The following SNTB2 variants were observed in gnomAD, a reference collection of about 807,000 sequenced individuals.
SNTB2 encodes beta-2-syntrophin.
A neutral mutation model predicts 46.2 loss-of-function variants in SNTB2; 34 were observed. The ratio of observed to expected loss-of-function variants is 0.74; its 90% confidence interval spans 0.56 to 0.98. The LOEUF is 0.98. Ranked by LOEUF, SNTB2 falls within the 50% of genes least tolerant of loss-of-function variation. SNTB2 has a pLI of 0.00. For missense variants in SNTB2, 603 were observed against 731.4 expected, an observed-to-expected ratio of 0.82 and a Z score of 2.02; for synonymous variants, 290 against 312.6, an observed-to-expected ratio of 0.93 and a Z score of 0.76.
At chr16:69,270,923 A>G (rs568601631) in intron 4 of SNTB2, among the ~76,000 whole-genome samples, 1 of 152,198 alleles carries the variant, frequency 6.6e-6, no homozygotes, top group African/African-American at 2.4e-5. Context: ...TGGACTTAAC[A>G]AAAGAATCAG....
chr16:69,199,306 G>A (rs1376835252), intron 1 of SNTB2, among the ~76,000 whole-genome samples: 1 of 152,168 alleles, frequency 6.6e-6, no homozygotes, highest in Non-Finnish European at 1.5e-5. Flanking sequence ...TTCATTTGTT[G>A]TGCTAAAGAT....
Position 69,307,887 on chromosome 16 carries a change from G to A in SNTB2, c.*6963G>A, listed in dbSNP as rs1965327740. The A allele has an allele frequency of 6.6e-6, 1 of 151,982 alleles. No individual in the cohort carries two copies. Among genetic ancestry groups the A allele is most frequent in the Non-Finnish European group, 1.5e-5 (1 of 68,008 alleles). 9.4% of individuals were successfully genotyped at this position (151,982 alleles called of 1,614,324 possible). Reference sequence around the variant, plus strand: ...CTGGCATTTGGACTCAATGAAAAGGGCACCTAAAGAAAATAAGGCTGACTG... The same window carrying A: ...CTGGCATTTGGACTCAATGAAAAGGACACCTAAAGAAAATAAGGCTGACTG... On this transcript the variant is annotated 3_prime_UTR_variant, in exon 7 of 7. Transcript: ENST00000336278.
intron 1 of SNTB2, among the ~76,000 whole-genome samples, chr16:69,231,309 G>A (rs1387738369): frequency 1.3e-5 from 2 of 152,014 alleles, no homozygotes; most frequent in African/African-American, 4.8e-5. Context: ...GATGTGGCCC[G>A]CGGACGAGGT....
rs1287587812 is a variant in SNTB2 at position 69,292,431 on chromosome 16, T to TA, written c.1346-7158dup. 4.4e-3 allele frequency among the ~76,000 whole-genome samples: 55 copies of TA among 12,366 alleles called. 7 individuals are homozygous for TA. The highest frequency in any genetic ancestry group is 0.022 in the African/African-American group (49 of 2,248). The allele number at this position is 12,366 out of a possible 152,430, so 8.1% of individuals were successfully genotyped here. A position where few individuals can be genotyped will look rare whatever the true frequency, so the allele number is the denominator to read the frequency against. ...ATTATATATATATTATATATATATA[T>TA]ATATTATATATATATAATTTTTTTT... On this transcript the variant is annotated intron_variant, in intron 5 of 6. Transcript: ENST00000336278.
Position 69,220,963 on chromosome 16 carries a change from A to T in SNTB2, c.581-24639A>T, listed in dbSNP as rs530984733. Among the ~76,000 whole-genome samples, 357 of 152,320 alleles carry T rather than the reference A, an allele frequency of 2.3e-3. 2 individuals are homozygous for T. The highest frequency in any genetic ancestry group is 8.3e-3 in the African/African-American group (347 of 41,580). ...TTAGTCCTTTTCTCCAACAAGAGCC[A>T]GTCTCTAGCAACCACTACTTTGTTT... On this transcript the variant is annotated intron_variant, in intron 1 of 6. Transcript: ENST00000336278.
At chr16:69,224,620 A>G (rs1043026356) in intron 1 of SNTB2, among the ~76,000 whole-genome samples, 14 of 152,324 alleles carry the variant, frequency 9.2e-5, no homozygotes, top group South Asian at 2.1e-4. Flanking sequence ...GCCTGCAACA[A>G]TGATTACTAT....
At chr16:69,215,043 A>G (rs935615791) in intron 1 of SNTB2, among the ~76,000 whole-genome samples, 2 of 151,954 alleles carry the variant, frequency 1.3e-5, no homozygotes, top group Non-Finnish European at 2.9e-5. Context: ...GGGTTTCACC[A>G]TGTTGGCCAG....
chr16:69,199,671 A>G (rs1964141218), intron 1 of SNTB2, among the ~76,000 whole-genome samples: 2 of 151,866 alleles, frequency 1.3e-5, no homozygotes, highest in East Asian at 1.9e-4. Flanking sequence ...ATATTGAGCA[A>G]TCTAGATTGC....
intron 1 of SNTB2, among the ~76,000 whole-genome samples, chr16:69,235,277 G>A (rs1195188517): frequency 6.6e-6 from 1 of 152,042 alleles, no homozygotes; most frequent in Non-Finnish European, 1.5e-5. Context: ...ATCTTAGCCA[G>A]TTTTAATTTT....
intron 1 of SNTB2, among the ~76,000 whole-genome samples, chr16:69,229,970 A>G (rs1166345340): frequency 6.6e-6 from 1 of 151,620 alleles, no homozygotes; most frequent in Non-Finnish European, 1.5e-5. Context: ...ATTTTTTTGT[A>G]GATACATGGT....
At chr16:69,224,751 A>T (rs974584363) in intron 1 of SNTB2, among the ~76,000 whole-genome samples, 10 of 152,262 alleles carry the variant, frequency 6.6e-5, no homozygotes, top group African/African-American at 2.2e-4. Context: ...TATTTATATT[A>T]TTGTGGACTC....
intron 1 of SNTB2, among the ~76,000 whole-genome samples, chr16:69,244,451 C>A (rs1366857284): frequency 6.6e-6 from 1 of 152,088 alleles, no homozygotes; most frequent in East Asian, 1.9e-4. Flanking sequence ...ACCTTTTATA[C>A]CTCTTGAGTT....
chr16:69,298,005 C>T (rs1965244132), intron 5 of SNTB2, among the ~76,000 whole-genome samples: 1 of 151,710 alleles, frequency 6.6e-6, no homozygotes, highest in Non-Finnish European at 1.5e-5. Context: ...GTGGCATGAT[C>T]ATAGCTCACT....
chr16:69,240,842 T>TGTTTC (rs1295255516), intron 1 of SNTB2: 3 of 151,726 alleles, frequency 2.0e-5, no homozygotes, highest in Non-Finnish European at 4.4e-5. Context: ...ATAAGGTTTT[T>TGTTTC]GTTTCGTTTC....
chr16:69,242,303 A>G (rs1431024924), intron 1 of SNTB2, among the ~76,000 whole-genome samples: 1 of 152,074 alleles, frequency 6.6e-6, no homozygotes, highest in African/African-American at 2.4e-5. Context: ...GTGTGTGCCT[A>G]TAGTTGCAGC....
At chr16:69,270,683 C>A (rs1964929128) in intron 4 of SNTB2, among the ~76,000 whole-genome samples, 1 of 152,194 alleles carries the variant, frequency 6.6e-6, no homozygotes, top group Non-Finnish European at 1.5e-5. Context: ...TGTGGATAAA[C>A]CACTTAACTC....
chr16:69,237,314 C>T (rs1179507380), intron 1 of SNTB2, among the ~76,000 whole-genome samples: 4 of 152,200 alleles, frequency 2.6e-5, no homozygotes, highest in East Asian at 3.9e-4. Context: ...AGTGCATTGC[C>T]ATACATATTG....
chr16:69,207,770 A>G (rs527670341), intron 1 of SNTB2, among the ~76,000 whole-genome samples: 6 of 152,172 alleles, frequency 3.9e-5, no homozygotes, highest in Non-Finnish European at 8.8e-5. Flanking sequence ...TGTAGCCTCT[A>G]ATACTGTAGC....
At chr16:69,203,852 C>T (rs2152290462) in intron 1 of SNTB2, among the ~76,000 whole-genome samples, 1 of 152,096 alleles carries the variant, frequency 6.6e-6, no homozygotes, top group South Asian at 2.1e-4. Flanking sequence ...ACTGCAACCT[C>T]CGCCTCCCAG....
Sources: allele counts gnomAD v4.1 joint callset (sites outside exome capture counted in the v4.1 genomes callset), GRCh38; gene constraint gnomAD v4.1.1; transcripts MANE v1.5; gene names NCBI Gene and HGNC (gene_info 2026-07-23, HGNC 2026-07-21).